The following MED26 variants were observed in gnomAD, a reference collection of about 807,000 sequenced individuals.
MED26 encodes the protein mediator complex subunit 26, also known as mediator of RNA polymerase II transcription subunit 26.
MED26 carries 7 observed loss-of-function variants against 43.7 expected under a neutral mutation model. The observed-to-expected ratio is 0.16, with a 90% confidence interval of 0.09 to 0.30. The LOEUF (loss-of-function observed/expected upper bound fraction) is 0.30. Ranked by LOEUF, MED26 falls within the 10% of genes least tolerant of loss-of-function variation. MED26 has a pLI of 1.00. For synonymous variants in MED26, 375 were observed against 371.1 expected (o/e 1.01, Z -0.12); for missense variants, 784 against 840.6 (o/e 0.93, Z 0.83).
At chr19:16,579,948 G>GC (rs2086036285) in intron 1 of MED26, among the ~76,000 whole-genome samples, 1 of 152,190 alleles carries the variant, frequency 6.6e-6, no homozygotes, top group Admixed American at 6.5e-5. Context: ...CTCAAACAGA[G>GC]CCCCTCATTT....
At chr19:16,593,581 T>C (rs926823600) in intron 1 of MED26, among the ~76,000 whole-genome samples, 4 of 152,218 alleles carry the variant, frequency 2.6e-5, no homozygotes, top group Non-Finnish European at 2.9e-5. Context: ...TCATCCACGG[T>C]TGCTGGCCAC....
intron 1 of MED26, among the ~76,000 whole-genome samples, chr19:16,603,478 A>AATTCTTCCCT (rs1225087589): frequency 2.6e-5 from 4 of 152,066 alleles, no homozygotes; most frequent in South Asian, 4.1e-4. Context: ...TTAAAAAAAA[A>AATTCTTCCCT]ATTCTTCCCT....
At chr19:16,606,172 C>G (rs1435247301) in intron 1 of MED26, among the ~76,000 whole-genome samples, 1 of 152,172 alleles carries the variant, frequency 6.6e-6, no homozygotes, top group African/African-American at 2.4e-5. Flanking sequence ...CTGTGGCCAG[C>G]AGGAGAGGCT....
In MED26 at chr19:16,621,685, G is replaced by GGCCT. The variant is rs1369364585; in HGVS notation, c.72+6183_72+6186dup. On this transcript the variant is annotated intron_variant, in intron 1 of 2. Coordinates refer to ENST00000263390, the MANE Select transcript of MED26 (RefSeq NM_004831.5). The stretch of plus-strand genomic sequence containing the variant: ...TACTTGGATGGTCACAGAATCCAAA[G>GGCCT]GCCTATACACAGAATCCAAGGGCCT... Among the ~76,000 whole-genome samples the GGCCT allele has an allele frequency of 1.3e-5, 2 of 151,952 alleles. 1 individual carries two copies. The highest frequency in any genetic ancestry group is 3.9e-4 in the East Asian group (2 of 5,158).
intron 1 of MED26, chr19:16,588,780 T>C (rs895535689): frequency 6.6e-6 from 1 of 152,184 alleles, no homozygotes; most frequent in Non-Finnish European, 1.5e-5. Flanking sequence ...CAGAGGCCCA[T>C]TGAGAGAGGA....
chr19:16,575,971 TGCCC>T lies in MED26; in HGVS notation c.*52_*55del, dbSNP rs1273692000. The T allele has an allele frequency of 4.2e-6, 6 of 1,414,142 alleles. No individual in the cohort carries two copies. The African/African-American group carries it at 7.2e-5, about 17-fold the overall frequency. The allele number at this position is 1,414,142 out of a possible 1,614,324, so 87.6% of individuals were successfully genotyped here. ...GGCCCCGGCCACCTGCCCACCTGCC[TGCCC>T]GCCCACCCGGCTTCTGCAAGATGGG... On this transcript the variant is annotated 3_prime_UTR_variant, in exon 3 of 3. Coordinates refer to ENST00000263390, the MANE Select transcript of MED26 (RefSeq NM_004831.5).
Position 16,580,509 on chromosome 19 carries a change from T to C in MED26, c.73-2100A>G, listed in dbSNP as rs539643211. On this transcript the variant is annotated intron_variant, in intron 1 of 2. Coordinates refer to ENST00000263390, the MANE Select transcript of MED26 (RefSeq NM_004831.5). ...TCAGCCTCCCGAGTAGCTGAGATTA[T>C]AGGCACCCGCCACCACGCCCAGCTA... Among the ~76,000 whole-genome samples, 7 of 152,080 alleles carry C rather than the reference T, an allele frequency of 4.6e-5. No individual in the cohort carries two copies. In the South Asian group the frequency reaches 1.0e-3, roughly 23 times the overall value.
At position 16,598,369 on chromosome 19, in the gene MED26, C is replaced by T. The variant is rs575302535; in HGVS notation, c.73-19960G>A. On this transcript the variant is annotated intron_variant, in intron 1 of 2. Coordinates refer to ENST00000263390, the MANE Select transcript of MED26 (RefSeq NM_004831.5). The stretch of plus-strand genomic sequence containing the variant: ...AAAAAAAAAAAAAAAAATTACCTCC[C>T]TGGAGCTTCCAGAGCCCAGGCTCAC... Among the ~76,000 whole-genome samples the T allele has an allele frequency of 4.6e-5, 7 of 151,574 alleles. No homozygotes were observed. The East Asian group carries it at 1.4e-3, about 29-fold the overall frequency.
intron 1 of MED26, chr19:16,624,564 T>C (rs1272389171): frequency 2.0e-5 from 3 of 152,250 alleles, no homozygotes; most frequent in African/African-American, 7.2e-5. Flanking sequence ...TTACTTGCCA[T>C]GAGGATGCAG....
chr19:16,617,982 A>G (rs1224301352), intron 1 of MED26, among the ~76,000 whole-genome samples: 1 of 152,150 alleles, frequency 6.6e-6, no homozygotes, highest in Non-Finnish European at 1.5e-5. Context: ...CCCCCCAGAA[A>G]CACAAGGTGG....
chr19:16,620,613 C>G (rs1201315788), intron 1 of MED26, among the ~76,000 whole-genome samples: 1 of 152,184 alleles, frequency 6.6e-6, no homozygotes, highest in East Asian at 1.9e-4. Flanking sequence ...ACCAACAAGA[C>G]CTGTTATCAG....
intron 1 of MED26, among the ~76,000 whole-genome samples, chr19:16,590,748 G>A (rs1231558269): frequency 6.6e-6 from 1 of 152,136 alleles, no homozygotes; most frequent in African/African-American, 2.4e-5. Flanking sequence ...TCTCAATAAA[G>A]CTATTAATGT....
At chr19:16,603,034 C>T (rs74912674) in intron 1 of MED26, among the ~76,000 whole-genome samples, 7,894 of 152,256 alleles carry the variant, frequency 0.052, 285 homozygotes, top group South Asian at 0.065. Flanking sequence ...AAAACACCAG[C>T]GGGACCCTGG....
intron 1 of MED26, among the ~76,000 whole-genome samples, chr19:16,592,141 CCA>C (rs2086100624): frequency 1.3e-5 from 2 of 152,224 alleles, no homozygotes; most frequent in African/African-American, 4.8e-5. Flanking sequence ...CTGTGGCCAG[CCA>C]ATCAGAGGCT....
At chr19:16,620,779 A>T (rs1011258961) in intron 1 of MED26, among the ~76,000 whole-genome samples, 6 of 152,238 alleles carry the variant, frequency 3.9e-5, no homozygotes, top group African/African-American at 1.4e-4. Context: ...ACACACATAC[A>T]GGTAAGGCCT....
chr19:16,606,305 C>T (rs1488625569), intron 1 of MED26, among the ~76,000 whole-genome samples: 1 of 152,176 alleles, frequency 6.6e-6, no homozygotes, highest in Non-Finnish European at 1.5e-5. Flanking sequence ...AATCCCAGCA[C>T]TTTGGGAGGC....
At chr19:16,594,164 GGA>G (rs1253222004) in intron 1 of MED26, among the ~76,000 whole-genome samples, 1 of 152,238 alleles carries the variant, frequency 6.6e-6, no homozygotes, top group Non-Finnish European at 1.5e-5. Context: ...GGCAAGGCAG[GGA>G]GAGTGGAAGC....
intron 1 of MED26, among the ~76,000 whole-genome samples, chr19:16,595,383 T>G (rs2086115635): frequency 6.6e-6 from 1 of 152,210 alleles, no homozygotes; most frequent in African/African-American, 2.4e-5. Context: ...CCTGCCCCTG[T>G]GGTCTTCCTC....
chr19:16,578,103 C>T (rs2086022299), intron 2 of MED26: 1 of 568,058 alleles, frequency 1.8e-6, no homozygotes, highest in Admixed American at 3.3e-5. Context: ...TCCTGATGTC[C>T]CCACGTGCCC....
Sources: gnomAD v4.1 joint callset for allele counts (sites outside exome capture counted in the v4.1 genomes callset) on GRCh38, gnomAD v4.1.1 for gene constraint, MANE v1.5 for transcripts, NCBI Gene and HGNC (gene_info 2026-07-23, HGNC 2026-07-21) for gene names.